The following KLRF2 variants were observed in gnomAD, a reference collection of about 807,000 sequenced individuals.
The protein encoded by KLRF2 is killer cell lectin-like receptor subfamily F member 2.
Under a neutral mutation model 25.3 loss-of-function variants are expected in KLRF2, and 28 were observed. That is an observed-to-expected ratio of 1.11 (90% CI 0.82 to 1.52). The LOEUF (loss-of-function observed/expected upper bound fraction) is 1.52. Ranked by LOEUF, KLRF2 falls within the 40% of genes most tolerant of loss-of-function variation. The pLI, the probability that KLRF2 is intolerant of heterozygous loss-of-function variation, is 0.00. For missense variants in KLRF2, 265 were observed against 245.8 expected, an observed-to-expected ratio of 1.08 and a Z score of -0.52; for synonymous variants, 73 against 85.0, an observed-to-expected ratio of 0.86 and a Z score of 0.78.
intron 2 of KLRF2, among the ~76,000 whole-genome samples, chr12:9,886,763 CAAAA>C (rs770999069): frequency 1.9e-5 from 2 of 103,516 alleles, no homozygotes; most frequent in Non-Finnish European, 1.9e-5. Context: ...CTATATCATG[CAAAA>C]AAAAAAAAAA....
intron 4 of KLRF2, 26 bp from the exon 5 acceptor site, chr12:9,893,403 G>T (rs1456780477): frequency 2.7e-6 from 3 of 1,095,180 alleles, no homozygotes; most frequent in Admixed American, 2.3e-5. Context: ...ACAAATGAAT[G>T]AATAAATGCA....
In KLRF2 at chr12:9,895,697, T is replaced by A. The variant is rs1328936242; in HGVS notation, c.488T>A (p.Val163Glu). The A allele has an allele frequency of 1.3e-6, 2 of 1,530,758 alleles. No homozygotes were observed. Among genetic ancestry groups the A allele is most frequent in the Non-Finnish European group, 1.7e-6 (2 of 1,145,332 alleles). The allele number at this position is 1,530,758 out of a possible 1,614,324, so 94.8% of individuals were successfully genotyped here. ...EHFLVPELFS[V>E]IGPTDDRSCA... ...TGTCCTTTGTCTCTTAGGTTTTCAGTGATTGGACCAACTGATGACAGGAGC... is the reference window on the plus strand; with the variant it reads ...TGTCCTTTGTCTCTTAGGTTTTCAGAGATTGGACCAACTGATGACAGGAGC... The change falls in exon 6 of 6, where the codon GTG (valine) becomes GAG (glutamate). Residue 163 changes from valine to glutamate, a missense_variant. Physicochemically the swap from Val to Glu is moderately radical, Grantham distance 121. Transcript: ENST00000535540.
Position 9,893,487 on chromosome 12 carries a change from C to A in KLRF2, c.425C>A (p.Thr142Lys). 1 of 1,524,990 alleles carries A rather than the reference C, an allele frequency of 6.6e-7. No homozygotes were observed. The highest frequency in any genetic ancestry group is 8.8e-7 in the Non-Finnish European group (1 of 1,137,726). 94.5% of individuals were successfully genotyped at this position (1,524,990 alleles called of 1,614,324 possible). A position where few individuals can be genotyped will look rare whatever the true frequency, so the allele number is the denominator to read the frequency against. Reference sequence around the variant, plus strand: ...TTTGGTTGGATTGGACTATATGTTACATTCCAAGGGAACCTATGGATGTGG... The same window carrying A: ...TTTGGTTGGATTGGACTATATGTTAAATTCCAAGGGAACCTATGGATGTGG... Reference protein sequence around the residue: ...GHFGWIGLYVTFQGNLWMWID... With the variant: ...GHFGWIGLYVKFQGNLWMWID... The change falls in exon 5 of 6, where the codon ACA becomes AAA. Residue 142 changes from threonine to lysine, a missense_variant. Coordinates refer to ENST00000535540, the MANE Select transcript of KLRF2 (RefSeq NM_001190765.1).
intron 3 of KLRF2, among the ~76,000 whole-genome samples, chr12:9,891,841 T>A (rs1020895637): frequency 1.3e-5 from 2 of 152,194 alleles, no homozygotes; most frequent in South Asian, 4.1e-4. Context: ...GGACATATAG[T>A]TTAATTTCTA....
At chr12:9,894,948 C>T (rs1862739997) in intron 5 of KLRF2, among the ~76,000 whole-genome samples, 2 of 152,100 alleles carry the variant, frequency 1.3e-5, no homozygotes, top group East Asian at 1.9e-4. Context: ...TTAAGGAAAA[C>T]AACACACATG....
intron 3 of KLRF2, among the ~76,000 whole-genome samples, chr12:9,889,644 A>G (rs1862649366): frequency 7.1e-6 from 1 of 140,742 alleles, no homozygotes; most frequent in Admixed American, 6.8e-5. Flanking sequence ...ATGTGTATAT[A>G]TATGTGTGTG....
chr12:9,893,402 T>C (rs762662533), intron 4 of KLRF2, 27 bp from the exon 5 acceptor site: 1 of 1,091,136 alleles, frequency 9.2e-7, no homozygotes. Context: ...AACAAATGAA[T>C]GAATAAATGC....
chr12:9,885,801 C>G (rs1862589608), intron 2 of KLRF2, among the ~76,000 whole-genome samples: 1 of 152,028 alleles, frequency 6.6e-6, no homozygotes, highest in Admixed American at 6.5e-5. Flanking sequence ...AAATCAATTA[C>G]TAATTACCTG....
At chr12:9,893,642 C>T in intron 5 of KLRF2, 101 bp downstream of exon 5, 1 of 456,252 alleles carries the variant, frequency 2.2e-6, no homozygotes, top group Non-Finnish European at 3.7e-6. Flanking sequence ...TCTCTGTTTT[C>T]CCTTATCTTT....
intron 1 of KLRF2, among the ~76,000 whole-genome samples, chr12:9,883,318 C>T (rs17733880): frequency 0.02 from 3,057 of 152,248 alleles, 51 homozygotes; most frequent in Middle Eastern, 0.044. Context: ...ATAGTAGCAC[C>T]AGCAGATTTT....
Position 9,893,482 on chromosome 12 carries a change from T to C in KLRF2, c.420T>C (p.Tyr140=). 2 of 1,523,866 alleles carry C rather than the reference T, an allele frequency of 1.3e-6. No individual in the cohort carries two copies. Among genetic ancestry groups the C allele is most frequent in the Non-Finnish European group, 1.8e-6 (2 of 1,136,576 alleles). 94.4% of individuals were successfully genotyped at this position (1,523,866 alleles called of 1,614,324 possible). A position where few individuals can be genotyped will look rare whatever the true frequency, so the allele number is the denominator to read the frequency against. ...KPGHFGWIGL[Y]VTFQGNLWMW... ...GACATTTTGGTTGGATTGGACTATA[T>C]GTTACATTCCAAGGGAACCTATGGA... The change falls in exon 5 of 6, where the codon TAT becomes TAC. Residue 140 remains tyrosine, a synonymous_variant. Coordinates refer to ENST00000535540, the MANE Select transcript of KLRF2 (RefSeq NM_001190765.1).
chr12:9,885,869 C>T (rs1426386557), intron 2 of KLRF2, among the ~76,000 whole-genome samples: 1 of 151,962 alleles, frequency 6.6e-6, no homozygotes, highest in African/African-American at 2.4e-5. Context: ...CGTTATGAAT[C>T]TATCTAAGTA....
At chr12:9,890,099 G>A (rs1862656758) in intron 3 of KLRF2, among the ~76,000 whole-genome samples, 2 of 151,834 alleles carry the variant, frequency 1.3e-5, no homozygotes, top group South Asian at 4.2e-4. Flanking sequence ...CCTCAAACTA[G>A]ATTATATTAA....
intron 1 of KLRF2, among the ~76,000 whole-genome samples, chr12:9,884,612 A>G (rs985717158): frequency 6.7e-6 from 1 of 148,512 alleles, no homozygotes; most frequent in African/African-American, 2.4e-5. Flanking sequence ...TATATTTTAT[A>G]TAATATGTTA....
At position 9,882,108 on chromosome 12, in the gene KLRF2, GA is replaced by G. The variant is rs551895781; in HGVS notation, c.70+452del. The stretch of plus-strand genomic sequence containing the variant: ...AATCTACTGGGAATGCGAGAAGAGA[GA>G]AAAAAAAACAAAAAAACATTAATCT... On this transcript the variant is annotated intron_variant, in intron 1 of 5. Transcript: ENST00000535540. Among the ~76,000 whole-genome samples, 420 of 144,486 alleles carry G rather than the reference GA, an allele frequency of 2.9e-3. 1 individual carries two copies. Among genetic ancestry groups the G allele is most frequent in the Non-Finnish European group, 3.9e-3 (261 of 67,298 alleles). 94.8% of individuals were successfully genotyped at this position (144,486 alleles called of 152,430 possible).
chr12:9,884,770 C>G (rs1211187908), intron 1 of KLRF2, among the ~76,000 whole-genome samples, 164 bp from the exon 2 acceptor site: 1 of 151,244 alleles, frequency 6.6e-6, no homozygotes, highest in African/African-American at 2.4e-5. Context: ...ATAGTAGTAT[C>G]TCCTTGGTTT....
At chr12:9,894,572 G>A (rs1862736127) in intron 5 of KLRF2, among the ~76,000 whole-genome samples, 1 of 152,182 alleles carries the variant, frequency 6.6e-6, no homozygotes, top group Non-Finnish European at 1.5e-5. Context: ...GCATGTAAGA[G>A]TGCTTTCAAA....
At chr12:9,891,934 A>T (rs1862681879) in intron 3 of KLRF2, among the ~76,000 whole-genome samples, 1 of 152,228 alleles carries the variant, frequency 6.6e-6, no homozygotes, top group African/African-American at 2.4e-5. Flanking sequence ...TAACTTAAAA[A>T]TATTTAATCC....
intron 5 of KLRF2, 47 bp downstream of exon 5, chr12:9,893,588 T>A (rs190384406): frequency 1.9e-4 from 124 of 662,464 alleles, no homozygotes; most frequent in Non-Finnish European, 2.0e-4. Context: ...TATAGAATTA[T>A]TTTTATATTA....
Sources: allele counts gnomAD v4.1 joint callset (sites outside exome capture counted in the v4.1 genomes callset), GRCh38; gene constraint gnomAD v4.1.1; transcripts MANE v1.5; gene names NCBI Gene and HGNC (gene_info 2026-07-23, HGNC 2026-07-21).